Variants in MDM4 observed in about 807,000 individuals in gnomAD.
The protein encoded by MDM4 is protein Mdm4.
MDM4 carries 2 observed loss-of-function variants against 60.2 expected under a neutral mutation model. The observed-to-expected ratio is 0.03, with a 90% CI of 0.01 to 0.10. The LOEUF is 0.10. MDM4 is among the 10% of genes least tolerant of loss of function. MDM4 has a pLI of 1.00. For missense variants in MDM4, 447 were observed against 577.5 expected, an observed-to-expected ratio of 0.77 and a Z score of 2.32; for synonymous variants, 202 against 198.1, an observed-to-expected ratio of 1.02 and a Z score of -0.17.
chr1:204,537,749 T>C, intron 6 of MDM4: 1 of 598,060 alleles, frequency 1.7e-6, no homozygotes, highest in South Asian at 2.0e-5. Flanking sequence ...TTCTTTGGGT[T>C]TGTGTGTACC....
rs181728059 is a variant in MDM4, at chr1:204,556,361, A to T, written c.*6679A>T. On this transcript the variant is annotated 3_prime_UTR_variant, in exon 11 of 11. Coordinates refer to ENST00000367182, the MANE Select transcript of MDM4 (RefSeq NM_002393.5). ...AGTTGAGGCTTCCTTTCTGTGTGTG[A>T]TGGGGGATAGGGAGTTAGCTCCCCT... is the stretch of plus-strand genomic sequence containing the variant. The T allele has an allele frequency of 2.7e-4, 62 of 226,900 alleles. No homozygotes were observed. In the East Asian group the frequency reaches 3.8e-3, roughly 14 times the overall value. 14.1% of individuals were successfully genotyped at this position (226,900 alleles called of 1,614,324 possible).
chr1:204,538,083 T>C, intron 6 of MDM4, 126 bp from the exon 7 acceptor site: 1 of 767,930 alleles, frequency 1.3e-6, no homozygotes, highest in Non-Finnish European at 2.4e-6. Flanking sequence ...TGTTGTGAAC[T>C]TGAGTTCTCT....
rs377061886 is a variant in MDM4, at chr1:204,552,986, C to T, written c.*3304C>T. 3.4e-4 allele frequency: 56 copies of T among 163,386 alleles called. No individual in the cohort carries two copies. The South Asian group carries it at 7.2e-3, about 21-fold the overall frequency. 10.1% of individuals were successfully genotyped at this position (163,386 alleles called of 1,614,324 possible). On this transcript the variant is annotated 3_prime_UTR_variant, in exon 11 of 11. Transcript: ENST00000367182. ...TGCCTCCCGGGTTCAAATGATTCTC[C>T]TGCCTCAGCCTCCCAAGTAGCTGGG...
At position 204,553,958 on chromosome 1, in the gene MDM4, T is replaced by C. The variant is rs146152488; in HGVS notation, c.*4276T>C. ...CACACTGCCACTAACTTCTGTAATG[T>C]AAGATTGAGTCACTGCCAAGCATTT... On this transcript the variant is annotated 3_prime_UTR_variant, in exon 11 of 11. Transcript: ENST00000367182. The C allele has an allele frequency of 3.5e-3, 797 of 224,854 alleles. 3 individuals carry two copies. The highest frequency in any genetic ancestry group is 0.014 in the African/African-American group (645 of 45,060). 13.9% of individuals were successfully genotyped at this position (224,854 alleles called of 1,614,324 possible).
At chr1:204,531,940 G>A (rs1181744340) in intron 4 of MDM4, among the ~76,000 whole-genome samples, 1 of 152,156 alleles carries the variant, frequency 6.6e-6, no homozygotes. Context: ...TTGGATTACT[G>A]TTCGCTAATG....
In MDM4 at chr1:204,526,353, A is replaced by G. The variant is rs779420858; in HGVS notation, c.79-7A>G. On this transcript the variant is annotated splice_region_variant and splice_polypyrimidine_tract_variant and intron_variant, in intron 2 of 10. Coordinates refer to ENST00000367182, the MANE Select transcript of MDM4 (RefSeq NM_002393.5). ...TAAATAGCACATTTATTTTATGTTTATATCAGGTACGACCAAAACTGCCGC... is the reference window on the plus strand; with the variant it reads ...TAAATAGCACATTTATTTTATGTTTGTATCAGGTACGACCAAAACTGCCGC... 2 of 1,610,442 alleles carry G rather than the reference A, an allele frequency of 1.2e-6. No individual in the cohort carries two copies. Among genetic ancestry groups the G allele is most frequent in the Non-Finnish European group, 1.7e-6 (2 of 1,177,014 alleles).
At chr1:204,546,494 A>G (rs904628740) in intron 9 of MDM4, among the ~76,000 whole-genome samples, 25 of 152,122 alleles carry the variant, frequency 1.6e-4, no homozygotes, top group Admixed American at 6.6e-4. Context: ...CCTGGCTGTA[A>G]AATAGCCACC....
At chr1:204,542,750 C>T (rs2102418531) in intron 7 of MDM4, 34 bp from the exon 8 acceptor site, 1 of 1,521,248 alleles carries the variant, frequency 6.6e-7, no homozygotes, top group Non-Finnish European at 9.0e-7. Flanking sequence ...ACGTATTGTG[C>T]ATAGTTATCA....
chr1:204,530,857 A>T (rs1660785294), intron 4 of MDM4, 40 bp downstream of exon 4: 1 of 1,612,862 alleles, frequency 6.2e-7, no homozygotes. Context: ...TTGGGTGCTT[A>T]TACCTAGCCA....
At position 204,527,437 on chromosome 1, in the gene MDM4, T is replaced by A. The variant is rs918660570; in HGVS notation, c.153+1003T>A. On this transcript the variant is annotated intron_variant, in intron 3 of 10. Coordinates refer to ENST00000367182, the MANE Select transcript of MDM4 (RefSeq NM_002393.5). ...GCGAGGCTGAGGTGGGCAGATCACC[T>A]GAGGTCAGGAGTTCGAGACCAGCCT... Among the ~76,000 whole-genome samples, 6 of 152,300 alleles carry A rather than the reference T, an allele frequency of 3.9e-5. No homozygotes were observed. The South Asian group carries it at 1.2e-3, about 32-fold the overall frequency.
At chr1:204,542,699 A>G in intron 7 of MDM4, 85 bp from the exon 8 acceptor site, 2 of 1,008,968 alleles carry the variant, frequency 2.0e-6, no homozygotes, top group Non-Finnish European at 2.8e-6. Flanking sequence ...TACCTATTTT[A>G]TAAAGAAGTT....
In MDM4 at chr1:204,554,004, A is replaced by G. The variant is rs959552027; in HGVS notation, c.*4322A>G. On this transcript the variant is annotated 3_prime_UTR_variant, in exon 11 of 11. Transcript: ENST00000367182. ...CATTTGAAATATGCAGTTGTGTTTT[A>G]ATTATAATTTATGTATAGTTAGATG... is the stretch of plus-strand genomic sequence containing the variant. The G allele has an allele frequency of 3.1e-5, 7 of 224,986 alleles. No individual in the cohort carries two copies. Among genetic ancestry groups the G allele is most frequent in the Admixed American group, 5.7e-5 (1 of 17,502 alleles). 13.9% of individuals were successfully genotyped at this position (224,986 alleles called of 1,614,324 possible).
intron 10 of MDM4, among the ~76,000 whole-genome samples, chr1:204,547,787 A>G (rs528566347): frequency 2.0e-4 from 31 of 152,386 alleles, no homozygotes; most frequent in African/African-American, 6.7e-4. Context: ...GCAATGGCAT[A>G]ATCTCGGCTC....
Position 204,549,178 on chromosome 1 carries a change from T to C in MDM4, c.969T>C (p.Cys323=). 6.2e-7 allele frequency: 1 copy of C among 1,613,974 alleles called. No homozygotes were observed. Among genetic ancestry groups the C allele is most frequent in the Middle Eastern group, 1.7e-4 (1 of 6,060 alleles). Residue 323 remains cysteine, a synonymous_variant, in exon 11 of 11, where the codon TGT becomes TGC. Transcript: ENST00000367182. ...NSPSKRYCFR[C]WALRKDWYSD... ...CAAGCAAGAGGTACTGTTTTCGTTGTTGGGCCTTGAGGAAGGATTGGTATT... is the reference window on the plus strand; with the variant it reads ...CAAGCAAGAGGTACTGTTTTCGTTGCTGGGCCTTGAGGAAGGATTGGTATT...
chr1:204,546,871 C>G lies in MDM4; in HGVS notation c.897C>G (p.Thr299=). ...GTGATGATACCGATGTAGAGGTTAC[C>G]TCTGAGGTATGAATCTTTAGCAAGA... The part of the protein sequence containing the change: ...SLSDDTDVEV[T]SEDEWQCTEC... The change falls in exon 10 of 11, where the codon ACC becomes ACG. Residue 299 remains threonine, a synonymous_variant. Coordinates refer to ENST00000367182, the MANE Select transcript of MDM4 (RefSeq NM_002393.5). The G allele has an allele frequency of 6.2e-7, 1 of 1,603,180 alleles. No homozygotes were observed. The highest frequency in any genetic ancestry group is 1.1e-5 in the South Asian group (1 of 90,532).
In MDM4 at chr1:204,532,224, C is replaced by T. The variant is rs1353034501; in HGVS notation, c.321C>T (p.Val107=). The T allele has an allele frequency of 6.2e-7, 1 of 1,602,910 alleles. No individual in the cohort carries two copies. Among genetic ancestry groups the T allele is most frequent in the East Asian group, 2.2e-5 (1 of 44,664 alleles). ...ATGATATGCTAAGAAAGAATCTTGT[C>T]ACTTTAGCCACTGCTACTACAGGTA... The part of the protein sequence containing the change: ...PLYDMLRKNL[V]TLATATTDAA... The change falls in exon 5 of 11, where the codon GTC becomes GTT. Residue 107 remains valine, a synonymous_variant. Transcript: ENST00000367182.
At chr1:204,530,166 T>G (rs1660721843) in intron 3 of MDM4, among the ~76,000 whole-genome samples, 1 of 152,198 alleles carries the variant, frequency 6.6e-6, no homozygotes, top group African/African-American at 2.4e-5. Flanking sequence ...GTGAACCACT[T>G]CAGCCGACTA....
intron 1 of MDM4, 147 bp from the exon 2 acceptor site, chr1:204,525,337 C>T: frequency 7.5e-6 from 10 of 1,336,114 alleles, no homozygotes; most frequent in Non-Finnish European, 7.6e-6. Context: ...TATGCAGAAC[C>T]TCAGCAAGGG....
chr1:204,537,387 T>C (rs1217955909), intron 5 of MDM4, 43 bp from the exon 6 acceptor site: 1 of 1,497,878 alleles, frequency 6.7e-7, no homozygotes, highest in Admixed American at 1.7e-5. Flanking sequence ...AAAGAATGGT[T>C]ATTACCAGGG....
Sources: gnomAD v4.1 joint callset for allele counts (sites outside exome capture counted in the v4.1 genomes callset) on GRCh38, gnomAD v4.1.1 for gene constraint, MANE v1.5 for transcripts, NCBI Gene and HGNC (gene_info 2026-07-23, HGNC 2026-07-21) for gene names.